The following UTRN variants were observed in gnomAD, a reference collection of about 807,000 sequenced individuals.
UTRN encodes dystrophin-related protein 1.
Under a neutral mutation model 463.9 loss-of-function variants are expected in UTRN, and 283 were observed. The observed-to-expected ratio is 0.61, with a 90% CI of 0.55 to 0.67. The LOEUF (loss-of-function observed/expected upper bound fraction) is 0.67. UTRN is among the 30% of genes least tolerant of loss of function. The pLI is 0.00. For missense variants in UTRN, 3,922 were observed against 4,084.3 expected (o/e 0.96, Z 1.08); for synonymous variants, 1,442 against 1,431.5 (o/e 1.01, Z -0.17).
chr6:144,489,954 C>A, intron 30 of UTRN, 117 bp from the exon 31 acceptor site: 1 of 1,417,296 alleles, frequency 7.1e-7, no homozygotes, highest in Non-Finnish European at 9.5e-7. Flanking sequence ...TGGAGGTCAA[C>A]ATTATGTAAA....
intron 2 of UTRN, among the ~76,000 whole-genome samples, chr6:144,360,684 C>T (rs1779005738): frequency 6.6e-6 from 1 of 152,244 alleles, no homozygotes; most frequent in South Asian, 2.1e-4. Context: ...CCAGTGACTG[C>T]TGCTGTAGTA....
chr6:144,770,101 G>T (rs190912121), intron 58 of UTRN, among the ~76,000 whole-genome samples: 1 of 152,298 alleles, frequency 6.6e-6, no homozygotes, highest in Non-Finnish European at 1.5e-5. Context: ...ATTTGTCTCT[G>T]CATTGGAGTC....
intron 51 of UTRN, among the ~76,000 whole-genome samples, chr6:144,673,846 G>T (rs923657822): frequency 6.6e-6 from 1 of 152,092 alleles, no homozygotes; most frequent in Non-Finnish European, 1.5e-5. Context: ...TGGTAGTGGT[G>T]AATTCTCTCA....
intron 51 of UTRN, among the ~76,000 whole-genome samples, chr6:144,653,975 A>G (rs887285883): frequency 6.6e-6 from 1 of 152,240 alleles, no homozygotes; most frequent in African/African-American, 2.4e-5. Context: ...TTCACCGTCT[A>G]TGTAGAACTC....
chr6:144,841,499 C>T (rs1451820271), intron 73 of UTRN, among the ~76,000 whole-genome samples: 2 of 152,176 alleles, frequency 1.3e-5, no homozygotes, highest in Non-Finnish European at 2.9e-5. Context: ...GTTTTGTCTT[C>T]AGCACCTTGC....
chr6:144,535,261 A>G (rs2128603859), intron 43 of UTRN, among the ~76,000 whole-genome samples: 1 of 152,246 alleles, frequency 6.6e-6, no homozygotes, highest in African/African-American at 2.4e-5. Context: ...TCATATTTTT[A>G]GTAGAGATGG....
intron 60 of UTRN, among the ~76,000 whole-genome samples, 178 bp from the exon 61 acceptor site, chr6:144,781,734 GTGTGGTAAAA>G (rs1775847885): frequency 6.6e-6 from 1 of 152,172 alleles, no homozygotes; most frequent in Admixed American, 6.5e-5. Flanking sequence ...AAGTATGAAA[GTGTGGTAAAA>G]TGTAAGAATA....
At position 144,435,918 on chromosome 6, in the gene UTRN, T is replaced by C; in HGVS notation, c.856-17T>C. 6.2e-7 allele frequency: 1 copy of C among 1,612,214 alleles called. No homozygotes were observed. Among genetic ancestry groups the C allele is most frequent in the Non-Finnish European group, 8.5e-7 (1 of 1,179,544 alleles). On this transcript the variant is annotated splice_polypyrimidine_tract_variant and intron_variant, in intron 9 of 74. Transcript: ENST00000367545. ...TTTGATGATTAGTGTGGGTTTTTCT[T>C]GGCTTTGTTTTTACAGAGTACAGCG...
intron 39 of UTRN, among the ~76,000 whole-genome samples, chr6:144,519,649 G>C (rs138411802): frequency 6.6e-6 from 1 of 152,192 alleles, no homozygotes; most frequent in African/African-American, 2.4e-5. Flanking sequence ...ATCTATTTTG[G>C]GAATACAGAA....
At chr6:144,490,906 C>T (rs926616534) in intron 31 of UTRN, 23 bp from the exon 32 acceptor site, 2 of 1,553,466 alleles carry the variant, frequency 1.3e-6, no homozygotes, top group African/African-American at 2.7e-5. Context: ...ATGGGAATTG[C>T]ATATTTTCAT....
At chr6:144,836,739 C>G (rs1292850320) in intron 71 of UTRN, 198 bp downstream of exon 71, 1 of 800,908 alleles carries the variant, frequency 1.2e-6, no homozygotes, top group East Asian at 3.0e-5. Flanking sequence ...ATGTGTTTGC[C>G]CAGCTTACAA....
At chr6:144,762,267 G>A (rs943164497) in intron 58 of UTRN, among the ~76,000 whole-genome samples, 4 of 152,138 alleles carry the variant, frequency 2.6e-5, no homozygotes, top group Non-Finnish European at 5.9e-5. Flanking sequence ...ATCACTATGC[G>A]GTGCTGTGTC....
rs746363775 is a variant in UTRN at position 144,548,849 on chromosome 6, A to G, written c.6805A>G (p.Met2269Val). Residue 2269 changes from methionine to valine, a missense_variant, in exon 47 of 75, where the codon ATG becomes GTG. This residue lies in a region of UTRN where 1,309 missense variants were observed against 1,452.6 expected (regional missense o/e 0.90). Transcript: ENST00000367545. ...AGAGATCAATAAGACCGTTTCCCGA[A>G]TGAAAGTAGGTGCATAGTGTAAAAG... ...VEEINKTVSR[M>V]KITKADLEQR... 3.1e-6 allele frequency: 5 copies of G among 1,613,814 alleles called. No individual in the cohort carries two copies. Among genetic ancestry groups the G allele is most frequent in the Non-Finnish European group, 4.2e-6 (5 of 1,179,864 alleles).
At chr6:144,772,027 T>A in intron 59 of UTRN, 59 bp downstream of exon 59, 1 of 982,552 alleles carries the variant, frequency 1.0e-6, no homozygotes, top group Non-Finnish European at 1.4e-6. Context: ...TTTTTTTTTT[T>A]TTTTTTTTTT....
In UTRN at chr6:144,451,475, A is replaced by G; in HGVS notation, c.2178A>G (p.Glu726=). The change falls in exon 18 of 75, where the codon GAA becomes GAG. Residue 726 remains glutamate (E), a synonymous_variant. Transcript: ENST00000367545. ...KEYMKMQDTS[E]MKKKLKALEK... is the part of the protein sequence containing the mutation. ...ATATGAAGATGCAAGACACTTCCGA[A>G]ATGAAAAAGAAGTTGAAGGTAAAAA... The G allele has an allele frequency of 6.2e-7, 1 of 1,610,402 alleles. No individual in the cohort carries two copies. The highest frequency in any genetic ancestry group is 2.2e-5 in the East Asian group (1 of 44,790).
At chr6:144,527,578 T>C (rs975149560) in intron 41 of UTRN, among the ~76,000 whole-genome samples, 2 of 152,264 alleles carry the variant, frequency 1.3e-5, no homozygotes, top group African/African-American at 4.8e-5. Flanking sequence ...CAATTATTCC[T>C]GCAAATATGT....
At chr6:144,351,630 G>A (rs746879319) in intron 2 of UTRN, among the ~76,000 whole-genome samples, 2 of 152,218 alleles carry the variant, frequency 1.3e-5, no homozygotes, top group South Asian at 2.1e-4. Context: ...AAAAGGGCAC[G>A]CAGCCGCCTC....
chr6:144,557,517 T>C (rs1246110518), intron 50 of UTRN, among the ~76,000 whole-genome samples: 1 of 152,182 alleles, frequency 6.6e-6, no homozygotes, highest in Non-Finnish European at 1.5e-5. Context: ...ATTTTTACAA[T>C]GGAGTTTTTT....
At chr6:144,501,616 T>G (rs1794188117) in intron 34 of UTRN, among the ~76,000 whole-genome samples, 1 of 152,308 alleles carries the variant, frequency 6.6e-6, no homozygotes, top group East Asian at 1.9e-4. Context: ...GCATAGTATT[T>G]CATTCTTAAT....
Sources: gnomAD v4.1 joint callset for allele counts (sites outside exome capture counted in the v4.1 genomes callset) on GRCh38, gnomAD v4.1.1 for gene constraint, gnomAD v4.1.1 regional missense constraint, MANE v1.5 for transcripts, NCBI Gene and HGNC (gene_info 2026-07-23, HGNC 2026-07-21) for gene names.